The following KBTBD12 variants were observed in gnomAD, a reference collection of about 807,000 sequenced individuals.
KBTBD12 encodes the protein kelch repeat and BTB domain containing 12.
KBTBD12 carries 53 observed loss-of-function variants against 58.7 expected under a neutral mutation model. The observed-to-expected ratio is 0.90, with a 90% CI of 0.72 to 1.14. The LOEUF (loss-of-function observed/expected upper bound fraction) is 1.14, where lower values mean the gene tolerates loss of function less well. Among genes scored for constraint, KBTBD12 ranks in the 50% most tolerant of loss-of-function variants. The pLI is 0.00. For synonymous variants in KBTBD12, 236 were observed against 259.8 expected (o/e 0.91, Z 0.88); for missense variants, 704 against 751.3 (o/e 0.94, Z 0.74).
At chr3:127,933,629 C>G (rs1004646433) in intron 4 of KBTBD12, among the ~76,000 whole-genome samples, 6 of 152,148 alleles carry the variant, frequency 3.9e-5, no homozygotes, top group African/African-American at 1.4e-4. Flanking sequence ...ATGTAGAGAG[C>G]AGATCCAAGA....
intron 5 of KBTBD12, among the ~76,000 whole-genome samples, chr3:127,979,790 T>C (rs1940843775): frequency 2.0e-5 from 3 of 152,182 alleles, no homozygotes; most frequent in Admixed American, 1.3e-4. Context: ...GCAAACAAAA[T>C]GTAACTTCCT....
At chr3:127,951,976 A>C (rs1940214790) in intron 4 of KBTBD12, among the ~76,000 whole-genome samples, 1 of 152,218 alleles carries the variant, frequency 6.6e-6, no homozygotes, top group South Asian at 2.1e-4. Context: ...TTGGAAAATG[A>C]AAGATTCTAT....
chr3:127,964,902 CTAT>C (rs1442974042), intron 5 of KBTBD12, among the ~76,000 whole-genome samples: 1 of 152,166 alleles, frequency 6.6e-6, no homozygotes, highest in Non-Finnish European at 1.5e-5. Flanking sequence ...AGACTGTAAT[CTAT>C]CATAGTAGTA....
chr3:127,956,727 T>C (rs1940327821), intron 4 of KBTBD12, among the ~76,000 whole-genome samples: 1 of 152,202 alleles, frequency 6.6e-6, no homozygotes, highest in Non-Finnish European at 1.5e-5. Flanking sequence ...AAGCTTAATG[T>C]TACAGAGGCA....
chr3:127,924,942 A>G (rs968237393), intron 2 of KBTBD12, among the ~76,000 whole-genome samples: 1 of 152,244 alleles, frequency 6.6e-6, no homozygotes, highest in African/African-American at 2.4e-5. Context: ...TGCACATGGA[A>G]TAAATACTAC....
intron 4 of KBTBD12, among the ~76,000 whole-genome samples, chr3:127,939,920 T>G (rs1245950407): frequency 1.3e-5 from 2 of 152,138 alleles, no homozygotes; most frequent in African/African-American, 2.4e-5. Context: ...GGAAAATGTA[T>G]ACCATGCAAA....
At chr3:127,960,224 C>A (rs1047766936) in intron 4 of KBTBD12, among the ~76,000 whole-genome samples, 1 of 152,000 alleles carries the variant, frequency 6.6e-6, no homozygotes, top group Non-Finnish European at 1.5e-5. Flanking sequence ...CTCCTGCACC[C>A]CACAGAGAGG....
At chr3:127,952,366 C>T (rs1295259032) in intron 4 of KBTBD12, among the ~76,000 whole-genome samples, 1 of 152,136 alleles carries the variant, frequency 6.6e-6, no homozygotes, top group African/African-American at 2.4e-5. Context: ...GAGTAATGTA[C>T]TACTGTATTT....
rs916317506 is a variant in KBTBD12 at position 127,969,661 on chromosome 3, A to T, written c.1690+6275A>T. Among the ~76,000 whole-genome samples the T allele has an allele frequency of 3.9e-4, 59 of 152,236 alleles. 1 individual carries two copies. The highest frequency in any genetic ancestry group is 1.3e-3 in the African/African-American group (52 of 41,464). ...GAATAGACTTGAGAGTTCAGAAATA[A>T]TCCCTCCATTTCAGTCAACTGATTT... On this transcript the variant is annotated intron_variant, in intron 5 of 5. Coordinates refer to ENST00000405109, the MANE Select transcript of KBTBD12 (RefSeq NM_207335.4).
rs780678955 is a variant in KBTBD12, at chr3:127,923,842, CA to C, written c.783del (p.Gln261HisfsTer5). Reference protein sequence around the residue: ...QNAFKAIKTPQQHSLNLRYGM... With the variant: ...QNAFKAIKTPXQHSLNLRYGM... ...TGCATTCAAAGCCATCAAGACACCC[CA>C]ACAGCACTCTCTAAATCTGCGCTAT... On this transcript the variant is annotated frameshift_variant, in exon 2 of 6. Coordinates refer to ENST00000405109, the MANE Select transcript of KBTBD12 (RefSeq NM_207335.4). LOFTEE classifies it high-confidence loss of function. The C allele has an allele frequency of 1.2e-6, 2 of 1,613,938 alleles. No individual in the cohort carries two copies. The highest frequency in any genetic ancestry group is 8.5e-7 in the Non-Finnish European group (1 of 1,179,852).
intron 3 of KBTBD12, among the ~76,000 whole-genome samples, chr3:127,929,263 C>A (rs1939644116): frequency 6.6e-6 from 1 of 152,156 alleles, no homozygotes; most frequent in East Asian, 1.9e-4. Flanking sequence ...TGCAAGATCA[C>A]ACAGGGTTGT....
intron 4 of KBTBD12, among the ~76,000 whole-genome samples, chr3:127,931,373 T>C (rs950993325): frequency 6.6e-6 from 1 of 152,110 alleles, no homozygotes; most frequent in Non-Finnish European, 1.5e-5. Context: ...TCACTTATAA[T>C]TAAGTTTTTT....
At chr3:127,951,411 T>C (rs186684406) in intron 4 of KBTBD12, among the ~76,000 whole-genome samples, 74 of 152,204 alleles carry the variant, frequency 4.9e-4, no homozygotes, top group African/African-American at 1.6e-3. Flanking sequence ...TTATGTTTGT[T>C]CATTGCTGAG....
chr3:127,966,940 G>T (rs796127174), intron 5 of KBTBD12, among the ~76,000 whole-genome samples: 35 of 152,334 alleles, frequency 2.3e-4, no homozygotes, highest in African/African-American at 8.4e-4. Context: ...AGAAAACGAA[G>T]CAAATGCTAT....
Position 127,923,204 on chromosome 3 carries a change from T to C in KBTBD12, c.143T>C (p.Val48Ala), listed in dbSNP as rs771093181. ...EGEKFPCHRL[V>A]LAAFSPYFKA... is the part of the protein sequence containing the mutation. ...GAGAAATTTCCTTGCCACAGACTGG[T>C]CCTGGCTGCATTTAGCCCTTATTTC... The change falls in exon 2 of 6, where the codon GTC becomes GCC. Residue 48 changes from valine (V) to alanine (A), a missense_variant. Transcript: ENST00000405109. The C allele has an allele frequency of 4.1e-5, 66 of 1,613,752 alleles. No homozygotes were observed. The South Asian group carries it at 6.8e-4, about 17-fold the overall frequency.
rs186462078 is a variant in KBTBD12, at chr3:127,973,739, G to A, written c.1690+10353G>A. 2.0e-5 allele frequency among the ~76,000 whole-genome samples: 3 copies of A among 152,248 alleles called. No homozygotes were observed. In the East Asian group the frequency reaches 5.8e-4, roughly 29 times the overall value. ...GATGCAGAATACACCGGTATTCAGT[G>A]TACTATTCTTTCACCTTTTCTGTAT... On this transcript the variant is annotated intron_variant, in intron 5 of 5. Transcript: ENST00000405109.
chr3:127,939,331 T>C (rs1939897406), intron 4 of KBTBD12, among the ~76,000 whole-genome samples: 1 of 152,122 alleles, frequency 6.6e-6, no homozygotes, highest in African/African-American at 2.4e-5. Flanking sequence ...CAGAAATATA[T>C]GGCAGAGAGG....
intron 4 of KBTBD12, among the ~76,000 whole-genome samples, chr3:127,935,855 A>T (rs1939819489): frequency 6.6e-6 from 1 of 152,214 alleles, no homozygotes; most frequent in Non-Finnish European, 1.5e-5. Context: ...ACTCAAATAC[A>T]CAAATATTTA....
At chr3:127,948,246 G>T (rs1474256091) in intron 4 of KBTBD12, among the ~76,000 whole-genome samples, 1 of 152,152 alleles carries the variant, frequency 6.6e-6, no homozygotes, top group African/African-American at 2.4e-5. Flanking sequence ...ATAGACTTTT[G>T]TCCTGCTGTT....
Sources: allele counts gnomAD v4.1 joint callset (sites outside exome capture counted in the v4.1 genomes callset), GRCh38; gene constraint gnomAD v4.1.1; transcripts MANE v1.5; gene names NCBI Gene and HGNC (gene_info 2026-07-23, HGNC 2026-07-21).